Variants in IMMP2L observed in about 807,000 individuals in gnomAD.
IMMP2L encodes inner mitochondrial membrane peptidase subunit 2.
A neutral mutation model predicts 19.3 loss-of-function variants in IMMP2L; 18 were observed. The ratio of observed to expected loss-of-function variants is 0.93; its 90% CI spans 0.64 to 1.38. The LOEUF (loss-of-function observed/expected upper bound fraction) is 1.38, where lower values mean the gene tolerates loss of function less well. IMMP2L is among the 40% of genes most tolerant of loss of function. The probability of loss-of-function intolerance (pLI) is 0.00; values close to 1 mark genes in which losing one functional copy is unlikely to be tolerated. For missense variants in IMMP2L, 233 were observed against 218.2 expected (o/e 1.07, Z -0.43); for synonymous variants, 76 against 73.0 (o/e 1.04, Z -0.21).
chr7:111,525,794 CT>C (rs1563311764), intron 1 of IMMP2L, among the ~76,000 whole-genome samples: 3 of 151,336 alleles, frequency 2.0e-5, no homozygotes, highest in African/African-American at 2.4e-5. Flanking sequence ...ATTCCTCAAA[CT>C]TTTTTTTTGG....
In IMMP2L at chr7:110,893,021, T is replaced by C. The variant is rs149658993; in HGVS notation, c.306-6326A>G. 2.6e-4 allele frequency among the ~76,000 whole-genome samples: 40 copies of C among 152,222 alleles called. No homozygotes were observed. The East Asian group carries it at 7.1e-3, about 27-fold the overall frequency. The stretch of plus-strand genomic sequence containing the variant: ...ATTTTACATACAGGCATACGTTCAA[T>C]ATATTGTCGGTTCAATTGCAGACCA... On this transcript the variant is annotated intron_variant, in intron 4 of 5. Transcript: ENST00000405709.
intron 3 of IMMP2L, among the ~76,000 whole-genome samples, chr7:111,408,045 T>C (rs1319807041): frequency 2.0e-5 from 3 of 151,960 alleles, no homozygotes; most frequent in African/African-American, 4.8e-5. Flanking sequence ...TTAAATAGCA[T>C]GCTCAAGGTC....
Position 110,758,321 on chromosome 7 carries a change from A to G in IMMP2L, c.409-94600T>C, listed in dbSNP as rs1798150691. On this transcript the variant is annotated intron_variant, in intron 5 of 5. Coordinates refer to ENST00000405709, the MANE Select transcript of IMMP2L (RefSeq NM_032549.4). This position sits in a 1 kb window ranked among gnomAD's most constrained non-coding sequence, Gnocchi z 4.6. The stretch of plus-strand genomic sequence containing the variant: ...AGACAACTTTTTGAAGGAGTTTCAC[A>G]GTGAAGAAAAGGAGAGAAATAGGAA... Among the ~76,000 whole-genome samples the G allele has an allele frequency of 6.6e-6, 1 of 152,094 alleles. No individual in the cohort carries two copies. The highest frequency in any genetic ancestry group is 1.5e-5 in the Non-Finnish European group (1 of 67,994).
intron 3 of IMMP2L, among the ~76,000 whole-genome samples, chr7:111,069,711 TGAG>T (rs1794791952): frequency 6.6e-6 from 1 of 152,056 alleles, no homozygotes; most frequent in Admixed American, 6.6e-5. Context: ...AGGGCTCACA[TGAG>T]GAGGCGAGAT....
At chr7:111,327,822 T>G (rs1017619702) in intron 3 of IMMP2L, among the ~76,000 whole-genome samples, 1 of 151,486 alleles carries the variant, frequency 6.6e-6, no homozygotes, top group Non-Finnish European at 1.5e-5. Flanking sequence ...GAAAACATAG[T>G]GTACATAATA....
intron 3 of IMMP2L, among the ~76,000 whole-genome samples, chr7:111,236,647 T>C (rs1814351038): frequency 6.6e-6 from 1 of 152,118 alleles, no homozygotes; most frequent in Non-Finnish European, 1.5e-5. Flanking sequence ...TAGTTTTCTC[T>C]CTGTGCATCT....
chr7:111,283,696 G>A (rs1820153502), intron 3 of IMMP2L, among the ~76,000 whole-genome samples: 2 of 152,106 alleles, frequency 1.3e-5, no homozygotes. Context: ...GATTGGCCGG[G>A]CGCGGTGGCT....
intron 3 of IMMP2L, among the ~76,000 whole-genome samples, chr7:110,992,190 C>G (rs1178535167): frequency 6.6e-6 from 1 of 151,988 alleles, no homozygotes; most frequent in Non-Finnish European, 1.5e-5. Flanking sequence ...TCTGTGCCCC[C>G]CAGCGTAATG....
intron 3 of IMMP2L, among the ~76,000 whole-genome samples, chr7:111,309,671 G>A (rs1823286833): frequency 6.6e-6 from 1 of 151,974 alleles, no homozygotes; most frequent in South Asian, 2.1e-4. Flanking sequence ...CTAACAATTA[G>A]CTAAAAGTTT....
chr7:110,767,190 C>G (rs911416334), intron 5 of IMMP2L, among the ~76,000 whole-genome samples: 1 of 152,050 alleles, frequency 6.6e-6, no homozygotes, highest in African/African-American at 2.4e-5. Flanking sequence ...ATGAGTTGGA[C>G]AGACTTGCCC....
rs139956778 is a variant in IMMP2L at position 110,871,529 on chromosome 7, C to A, written c.408+15064G>T. The stretch of plus-strand genomic sequence containing the variant: ...AAGTGGCCAACCATATCAAATACTG[C>A]TGAAAGGCTAAGATGGATATTTGGA... On this transcript the variant is annotated intron_variant, in intron 5 of 5. Coordinates refer to ENST00000405709, the MANE Select transcript of IMMP2L (RefSeq NM_032549.4). Among the ~76,000 whole-genome samples the A allele has an allele frequency of 1.2e-3, 189 of 152,234 alleles. 1 individual carries two copies. The highest frequency in any genetic ancestry group is 4.4e-3 in the African/African-American group (182 of 41,558).
At chr7:110,789,964 T>C (rs1800352975) in intron 5 of IMMP2L, among the ~76,000 whole-genome samples, 1 of 151,732 alleles carries the variant, frequency 6.6e-6, no homozygotes, top group African/African-American at 2.4e-5. Context: ...CTTATGCCCA[T>C]GGATCTTATT....
At chr7:110,954,220 A>G (rs563805029) in intron 4 of IMMP2L, among the ~76,000 whole-genome samples, 4 of 152,224 alleles carry the variant, frequency 2.6e-5, no homozygotes, top group African/African-American at 9.6e-5. Context: ...ACTCCTACAC[A>G]AAATTTGTCT....
intron 2 of IMMP2L, among the ~76,000 whole-genome samples, chr7:111,499,891 G>A (rs1419000299): frequency 2.6e-5 from 4 of 152,060 alleles, no homozygotes; most frequent in South Asian, 2.1e-4. Context: ...CGCAGAAGAC[G>A]GGTGATTTCT....
chr7:110,889,175 C>A (rs1001450725), intron 4 of IMMP2L, among the ~76,000 whole-genome samples: 1 of 152,136 alleles, frequency 6.6e-6, no homozygotes. Flanking sequence ...TAATGGAAGA[C>A]AATTTTTTCA....
At chr7:111,208,948 C>T (rs1013705192) in intron 3 of IMMP2L, among the ~76,000 whole-genome samples, 3 of 152,142 alleles carry the variant, frequency 2.0e-5, no homozygotes, top group African/African-American at 4.8e-5. Context: ...AACTTATGTA[C>T]ACATGCTGTA....
At chr7:111,259,410 G>C (rs1817069900) in intron 3 of IMMP2L, among the ~76,000 whole-genome samples, 3 of 152,166 alleles carry the variant, frequency 2.0e-5, no homozygotes, top group African/African-American at 7.2e-5. Flanking sequence ...CAAGGCAAGA[G>C]GATCACTCGA....
intron 3 of IMMP2L, among the ~76,000 whole-genome samples, chr7:111,304,691 T>TGTGC: frequency 6.7e-6 from 1 of 150,084 alleles, no homozygotes; most frequent in South Asian, 2.1e-4. Context: ...TGTGTGTGTG[T>TGTGC]GTGTGTGTGT....
intron 3 of IMMP2L, among the ~76,000 whole-genome samples, chr7:111,415,211 T>G (rs1256464011): frequency 6.6e-6 from 1 of 151,678 alleles, no homozygotes; most frequent in Admixed American, 6.6e-5. Flanking sequence ...GGAGGGGACC[T>G]CTAGAGACCG....
Sources: gnomAD v4.1 joint callset for allele counts (sites outside exome capture counted in the v4.1 genomes callset) on GRCh38, gnomAD v4.1.1 for gene constraint, Gnocchi (gnomAD v3.1) non-coding constraint, MANE v1.5 for transcripts, NCBI Gene and HGNC (gene_info 2026-07-23, HGNC 2026-07-21) for gene names.